Variants in ROR1 observed in about 807,000 individuals in gnomAD.
The protein encoded by ROR1 is ROR family WNT receptor 1.
A neutral mutation model predicts 78.8 loss-of-function variants in ROR1; 19 were observed. The observed-to-expected ratio is 0.24, with a 90% CI of 0.17 to 0.35. The LOEUF (loss-of-function observed/expected upper bound fraction) is 0.35, where lower values mean the gene tolerates loss of function less well. ROR1 is among the 10% of genes least tolerant of loss of function. ROR1 has a pLI of 1.00. For synonymous variants in ROR1, 386 were observed against 433.6 expected, an observed-to-expected ratio of 0.89 and a Z score of 1.36; for missense variants, 917 against 1,177.8, an observed-to-expected ratio of 0.78 and a Z score of 3.24.
chr1:63,911,172 T>C (rs1645566809), intron 1 of ROR1, among the ~76,000 whole-genome samples: 1 of 152,138 alleles, frequency 6.6e-6, no homozygotes, highest in Non-Finnish European at 1.5e-5. Context: ...GAATAACCTC[T>C]GGAGTTAAAC....
chr1:64,031,975 C>T (rs563625250), intron 2 of ROR1, among the ~76,000 whole-genome samples: 1 of 152,042 alleles, frequency 6.6e-6, no homozygotes, highest in African/African-American at 2.4e-5. Flanking sequence ...CATCCAAAAC[C>T]AGTTCAATAT....
At chr1:63,895,034 T>C (rs1645428591) in intron 1 of ROR1, among the ~76,000 whole-genome samples, 2 of 152,172 alleles carry the variant, frequency 1.3e-5, no homozygotes, top group Non-Finnish European at 2.9e-5. Flanking sequence ...ATAAAACATA[T>C]TTGGATGACA....
chr1:63,944,239 T>G (rs979160910), intron 1 of ROR1, among the ~76,000 whole-genome samples: 2 of 152,206 alleles, frequency 1.3e-5, no homozygotes, highest in African/African-American at 4.8e-5. Flanking sequence ...GCACGTTGTG[T>G]TCATCTTTAT....
At chr1:64,018,451 A>G (rs1263989534) in intron 2 of ROR1, among the ~76,000 whole-genome samples, 1 of 152,132 alleles carries the variant, frequency 6.6e-6, no homozygotes, top group South Asian at 2.1e-4. Flanking sequence ...TTCCAAGAAG[A>G]CTTCCCTGAC....
chr1:63,839,352 CT>C (rs1343587957), intron 1 of ROR1, among the ~76,000 whole-genome samples: 7 of 54,868 alleles, frequency 1.3e-4, no homozygotes, highest in African/African-American at 3.8e-4. Context: ...TATCATCTAT[CT>C]ATCTATCTAT....
intron 4 of ROR1, among the ~76,000 whole-genome samples, chr1:64,117,216 C>G (rs755058796): frequency 1.5e-4 from 23 of 152,008 alleles, no homozygotes; most frequent in Non-Finnish European, 2.4e-4. Context: ...GTATTGAGTC[C>G]CCATCTGGCC....
chr1:63,958,324 C>T (rs1209947582), intron 1 of ROR1, among the ~76,000 whole-genome samples: 2 of 152,234 alleles, frequency 1.3e-5, no homozygotes, highest in African/African-American at 4.8e-5. Flanking sequence ...CGCAGATACT[C>T]TCCATGCCTC....
At chr1:64,165,722 T>TG (rs34381731) in intron 8 of ROR1, among the ~76,000 whole-genome samples, 1 of 135,686 alleles carries the variant, frequency 7.4e-6, no homozygotes, top group Non-Finnish European at 1.6e-5. Context: ...TTTTTTTTTT[T>TG]GAGATGGAAT....
chr1:63,875,440 T>A (rs1015490609), intron 1 of ROR1, among the ~76,000 whole-genome samples: 2 of 152,170 alleles, frequency 1.3e-5, no homozygotes, highest in African/African-American at 4.8e-5. Context: ...AGCTTCTGTT[T>A]CCTCGTCTGT....
intron 1 of ROR1, among the ~76,000 whole-genome samples, chr1:63,782,346 C>T (rs1443406794): frequency 6.6e-6 from 1 of 152,004 alleles, no homozygotes; most frequent in African/African-American, 2.4e-5. Context: ...GTAGGCTTGA[C>T]CCATAAAAAA....
chr1:63,837,979 A>G (rs11577110), intron 1 of ROR1, among the ~76,000 whole-genome samples: 2,482 of 151,530 alleles, frequency 0.016, 29 homozygotes, highest in Middle Eastern at 0.058. Flanking sequence ...GAGCTGAAAA[A>G]CTCCTAGAGA....
At chr1:64,013,868 A>G (rs1390067946) in intron 2 of ROR1, among the ~76,000 whole-genome samples, 1 of 152,268 alleles carries the variant, frequency 6.6e-6, no homozygotes, top group East Asian at 1.9e-4. Flanking sequence ...AGTAGGTAAC[A>G]TGCAGTAGGA....
At chr1:63,839,362 A>G (rs1055263089) in intron 1 of ROR1, among the ~76,000 whole-genome samples, 1 of 139,398 alleles carries the variant, frequency 7.2e-6, no homozygotes, top group Non-Finnish European at 1.6e-5. Context: ...CTATCTATCT[A>G]TCTATCTATC....
intron 1 of ROR1, among the ~76,000 whole-genome samples, chr1:63,943,929 CACACACACAT>C (rs1448438911): frequency 5.3e-5 from 8 of 152,136 alleles, no homozygotes; most frequent in Non-Finnish European, 5.9e-5. Flanking sequence ...TGCACACAGG[CACACACACAT>C]ACACACACAT....
chr1:63,839,173 G>T (rs1314365312), intron 1 of ROR1, among the ~76,000 whole-genome samples: 1 of 152,316 alleles, frequency 6.6e-6, no homozygotes, highest in Middle Eastern at 3.4e-3. Flanking sequence ...GGCTTCAAAA[G>T]TCAGATCTGT....
At chr1:63,858,343 G>A (rs907133815) in intron 1 of ROR1, among the ~76,000 whole-genome samples, 3 of 152,110 alleles carry the variant, frequency 2.0e-5, no homozygotes, top group Admixed American at 6.5e-5. Flanking sequence ...CAAATCTATG[G>A]CCCAGACTGG....
rs1042894685 is a variant in ROR1, at chr1:63,866,898, GT to G, written c.91+92400del. Among the ~76,000 whole-genome samples the G allele has an allele frequency of 2.4e-3, 366 of 149,786 alleles. 2 individuals carry two copies. The highest frequency in any genetic ancestry group is 7.9e-3 in the African/African-American group (325 of 40,950). ...GAAAGGAATAGATTTGATAGTCCAG[GT>G]TTTTTTTTTCCCTAAGAAGAATATG... On this transcript the variant is annotated intron_variant, in intron 1 of 8. Transcript: ENST00000371079.
At chr1:63,831,807 C>A (rs1287596288) in intron 1 of ROR1, among the ~76,000 whole-genome samples, 4 of 152,248 alleles carry the variant, frequency 2.6e-5, no homozygotes, top group Non-Finnish European at 4.4e-5. Context: ...CATGGTCAGG[C>A]TACAGGTGTT....
At chr1:63,905,138 G>A (rs926451915) in intron 1 of ROR1, among the ~76,000 whole-genome samples, 8 of 152,070 alleles carry the variant, frequency 5.3e-5, no homozygotes, top group African/African-American at 1.9e-4. Context: ...ATGGAGGGCA[G>A]ATTGGGAGTC....
Sources: gnomAD v4.1 joint callset for allele counts (sites outside exome capture counted in the v4.1 genomes callset) on GRCh38, gnomAD v4.1.1 for gene constraint, MANE v1.5 for transcripts, NCBI Gene and HGNC (gene_info 2026-07-23, HGNC 2026-07-21) for gene names.